Variants in TENT2 observed in about 807,000 individuals in gnomAD.
TENT2 encodes the protein poly(A) RNA polymerase GLD2.
TENT2 carries 44 observed loss-of-function variants against 72.2 expected under a neutral mutation model. That is an observed-to-expected ratio of 0.61 (90% CI 0.48 to 0.78). The LOEUF is 0.78. Among genes scored for constraint, TENT2 ranks in the 30% least tolerant of loss-of-function variants. The probability of loss-of-function intolerance (pLI) is 0.00; values close to 1 mark genes in which losing one functional copy is unlikely to be tolerated. For missense variants in TENT2, 541 were observed against 569.6 expected (o/e 0.95, Z 0.51); for synonymous variants, 212 against 192.5 (o/e 1.10, Z -0.84).
At chr5:79,629,469 T>A (rs985953162) in intron 4 of TENT2, among the ~76,000 whole-genome samples, 1 of 152,182 alleles carries the variant, frequency 6.6e-6, no homozygotes, top group East Asian at 1.9e-4. Context: ...ATACACTGTT[T>A]TGCTAAACAT....
At chr5:79,619,891 A>ATT in intron 2 of TENT2, 103 bp from the exon 3 acceptor site, 2 of 1,443,424 alleles carry the variant, frequency 1.4e-6, no homozygotes, top group Non-Finnish European at 1.9e-6. Context: ...ATGTCGTCAC[A>ATT]TTTTTTTTTG....
chr5:79,678,156 C>T (rs1022531540), intron 12 of TENT2, among the ~76,000 whole-genome samples: 4 of 152,130 alleles, frequency 2.6e-5, no homozygotes, highest in Admixed American at 2.0e-4. Context: ...GAACTTAAAA[C>T]TTTCACAAAC....
chr5:79,622,457 CT>C (rs1765863361), intron 3 of TENT2, among the ~76,000 whole-genome samples: 1 of 152,118 alleles, frequency 6.6e-6, no homozygotes, highest in African/African-American at 2.4e-5. Flanking sequence ...TGATTTTTCC[CT>C]TTTTATTTTG....
intron 4 of TENT2, among the ~76,000 whole-genome samples, chr5:79,631,387 G>A: frequency 6.6e-6 from 1 of 152,208 alleles, no homozygotes; most frequent in East Asian, 1.9e-4. Context: ...TGAGTCTGTG[G>A]ACATGTGCCT....
Position 79,661,630 on chromosome 5 carries a change from C to G in TENT2, c.1071+4629C>G, listed in dbSNP as rs912307240. On this transcript the variant is annotated intron_variant, in intron 11 of 14. Transcript: ENST00000453514. ...CATTATGTCTAAAAAATGTACATAC[C>G]TTTGTTTAAAAATGCTTTATTGCTA... Among the ~76,000 whole-genome samples, 6 of 152,098 alleles carry G rather than the reference C, an allele frequency of 3.9e-5. No homozygotes were observed. The East Asian group carries it at 1.2e-3, about 29-fold the overall frequency.
intron 11 of TENT2, among the ~76,000 whole-genome samples, chr5:79,664,335 G>A (rs910453422): frequency 1.3e-5 from 2 of 152,190 alleles, no homozygotes; most frequent in Non-Finnish European, 2.9e-5. Context: ...GGTGGCTCAT[G>A]CCTGTAATCC....
chr5:79,677,463 A>T (rs890396446), intron 12 of TENT2, among the ~76,000 whole-genome samples: 2 of 152,236 alleles, frequency 1.3e-5, no homozygotes, highest in Non-Finnish European at 2.9e-5. Context: ...TTTTGATTTA[A>T]GGAAATAAAA....
At chr5:79,619,888 C>CA (rs1763370247) in intron 2 of TENT2, 103 bp downstream of exon 2, 1 of 1,481,014 alleles carries the variant, frequency 6.8e-7, no homozygotes, top group Non-Finnish European at 9.2e-7. Flanking sequence ...AATATGTCGT[C>CA]ACATTTTTTT....
chr5:79,672,742 C>T (rs533646247), intron 12 of TENT2, among the ~76,000 whole-genome samples: 1 of 152,292 alleles, frequency 6.6e-6, no homozygotes, highest in African/African-American at 2.4e-5. Context: ...TAAATTTTGG[C>T]TATTGGGAAT....
chr5:79,659,553 A>AAAGT lies in TENT2; in HGVS notation c.1071+2553_1071+2554insAGTA, dbSNP rs1554086793. ...TCTCAAAAAAAAAAAAAAAAAAAAA[A>AAAGT]ATGTATATATATATATATATATATA... is the stretch of plus-strand genomic sequence containing the variant. On this transcript the variant is annotated intron_variant, in intron 11 of 14. Transcript: ENST00000453514. Among the ~76,000 whole-genome samples, 15 of 26,852 alleles carry AAAGT rather than the reference A, an allele frequency of 5.6e-4. 2 individuals are homozygous for AAAGT. The highest frequency in any genetic ancestry group is 3.3e-3 in the African/African-American group (13 of 3,998). 17.6% of individuals were successfully genotyped at this position (26,852 alleles called of 152,430 possible). A position where few individuals can be genotyped will look rare whatever the true frequency, so the allele number is the denominator to read the frequency against.
chr5:79,620,164 T>A, intron 3 of TENT2, 81 bp downstream of exon 3: 1 of 938,222 alleles, frequency 1.1e-6, no homozygotes, highest in Non-Finnish European at 1.7e-6. Flanking sequence ...ATTAATATTG[T>A]ATGGACCCTA....
At chr5:79,630,976 T>C (rs1189993733) in intron 4 of TENT2, among the ~76,000 whole-genome samples, 1 of 152,098 alleles carries the variant, frequency 6.6e-6, no homozygotes, top group Non-Finnish European at 1.5e-5. Flanking sequence ...GAAATGCTAG[T>C]AGTTAAGATG....
chr5:79,683,269 C>T (rs747861819), intron 14 of TENT2, among the ~76,000 whole-genome samples: 11 of 151,900 alleles, frequency 7.2e-5, no homozygotes, highest in African/African-American at 1.7e-4. Context: ...GCCTGGGCAA[C>T]GCATAGCAAG....
At chr5:79,633,911 T>C (rs909622245) in intron 4 of TENT2, among the ~76,000 whole-genome samples, 5 of 145,678 alleles carry the variant, frequency 3.4e-5, no homozygotes, top group Non-Finnish European at 7.5e-5. Flanking sequence ...CCCAGCACTT[T>C]GGGAGGCCGA....
At chr5:79,650,831 G>A (rs1217521256) in intron 10 of TENT2, among the ~76,000 whole-genome samples, 1 of 151,992 alleles carries the variant, frequency 6.6e-6, no homozygotes, top group East Asian at 1.9e-4. Context: ...TTTCTTTATA[G>A]TGAGTCACTT....
At chr5:79,669,754 A>G (rs933193342) in intron 12 of TENT2, among the ~76,000 whole-genome samples, 3 of 151,870 alleles carry the variant, frequency 2.0e-5, no homozygotes, top group African/African-American at 7.2e-5. Context: ...TAATAATAAT[A>G]AATTGCTATT....
chr5:79,629,328 G>T (rs1773131310), intron 4 of TENT2, among the ~76,000 whole-genome samples: 1 of 152,218 alleles, frequency 6.6e-6, no homozygotes, highest in South Asian at 2.1e-4. Context: ...TTGGAGTTCA[G>T]AAGTGAGGTC....
At chr5:79,638,568 G>A (rs1388773776) in intron 4 of TENT2, among the ~76,000 whole-genome samples, 1 of 152,124 alleles carries the variant, frequency 6.6e-6, no homozygotes, top group Non-Finnish European at 1.5e-5. Flanking sequence ...TTTGGTTGTG[G>A]TACATTGATG....
chr5:79,637,324 A>G (rs1227355706), intron 4 of TENT2, among the ~76,000 whole-genome samples: 3 of 151,776 alleles, frequency 2.0e-5, no homozygotes, highest in African/African-American at 7.2e-5. Flanking sequence ...TATTTCTTCA[A>G]TTTTTTTTCT....
Sources: allele counts gnomAD v4.1 joint callset (sites outside exome capture counted in the v4.1 genomes callset), GRCh38; gene constraint gnomAD v4.1.1; transcripts MANE v1.5; gene names NCBI Gene and HGNC (gene_info 2026-07-23, HGNC 2026-07-21).